The following SFXN5 variants were observed in gnomAD, a reference collection of about 807,000 sequenced individuals.
The protein encoded by SFXN5 is sideroflexin 5, also known as sideroflexin-5.
Under a neutral mutation model 50.2 loss-of-function variants are expected in SFXN5, and 43 were observed. The ratio of observed to expected loss-of-function variants is 0.86; its 90% CI spans 0.67 to 1.11. The LOEUF is 1.11. Among genes scored for constraint, SFXN5 ranks in the 50% least tolerant of loss-of-function variants. The pLI, the probability that SFXN5 is intolerant of heterozygous loss-of-function variation, is 0.00. For missense variants in SFXN5, 463 were observed against 454.1 expected (o/e 1.02, Z -0.18); for synonymous variants, 203 against 185.8 (o/e 1.09, Z -0.75).
Position 72,951,110 on chromosome 2 carries a change from G to T in SFXN5, c.946-6011C>A, listed in dbSNP as rs546920348. On this transcript the variant is annotated intron_variant, in intron 13 of 13. Coordinates refer to ENST00000272433, the MANE Select transcript of SFXN5 (RefSeq NM_144579.3). The stretch of plus-strand genomic sequence containing the variant: ...GGGGCTGCAGGGACCAGGGAGCACT[G>T]CCTGATGGTCGCCCCCGCCACAGAA... 5.3e-5 allele frequency among the ~76,000 whole-genome samples: 8 copies of T among 152,246 alleles called. No individual in the cohort carries two copies. In the East Asian group the frequency reaches 1.4e-3, roughly 26 times the overall value.
chr2:72,974,398 T>C (rs1670379577), intron 10 of SFXN5, among the ~76,000 whole-genome samples: 2 of 151,860 alleles, frequency 1.3e-5, no homozygotes, highest in South Asian at 4.2e-4. Flanking sequence ...AGATGAAAGA[T>C]GAAGCATGAA....
rs1190004946 is a variant in SFXN5, at chr2:72,978,285, C to CT, written c.626-6601dup. On this transcript the variant is annotated intron_variant, in intron 10 of 13. Transcript: ENST00000272433. The stretch of plus-strand genomic sequence containing the variant: ...GATGAACGCATTTTTCTTTTTCTTT[C>CT]TTTTTTTTTTTTTTTGAGATGGAGT... 5.3e-3 allele frequency among the ~76,000 whole-genome samples: 741 copies of CT among 139,872 alleles called. 4 individuals are homozygous for CT. The highest frequency in any genetic ancestry group is 0.01 in the African/African-American group (390 of 38,424). The allele number at this position is 139,872 out of a possible 152,430, so 91.8% of individuals were successfully genotyped here. A position where few individuals can be genotyped will look rare whatever the true frequency, so the allele number is the denominator to read the frequency against.
At chr2:72,995,830 TAC>T (rs1673154217) in intron 9 of SFXN5, among the ~76,000 whole-genome samples, 1 of 152,074 alleles carries the variant, frequency 6.6e-6, no homozygotes, top group African/African-American at 2.4e-5. Context: ...TTTTGTGACT[TAC>T]ACACACAAAA....
intron 12 of SFXN5, among the ~76,000 whole-genome samples, chr2:72,967,005 C>T (rs1172547697): frequency 6.6e-6 from 1 of 152,198 alleles, no homozygotes; most frequent in African/African-American, 2.4e-5. Context: ...CCTGAATATG[C>T]AAGAGGCAGC....
chr2:73,071,702 C>T lies in SFXN5; in HGVS notation c.4G>A (p.Ala2Thr). 1.9e-6 allele frequency: 3 copies of T among 1,612,526 alleles called. No individual in the cohort carries two copies. Among genetic ancestry groups the T allele is most frequent in the Non-Finnish European group, 8.5e-7 (1 of 1,179,708 alleles). The change falls in exon 1 of 14, where the codon GCG becomes ACG. Residue 2 changes from alanine to threonine, a missense_variant. Transcript: ENST00000272433. MADTATTASAAA... is the reference protein window; with the variant it reads MTDTATTASAAA... ...GCCGATGCTGTAGTCGCTGTATCCG[C>T]CATGGCCACTGACGCCCGCAATCTC... is the stretch of plus-strand genomic sequence containing the variant.
At chr2:72,954,814 G>A (rs1299036179) in intron 13 of SFXN5, among the ~76,000 whole-genome samples, 1 of 152,224 alleles carries the variant, frequency 6.6e-6, no homozygotes, top group African/African-American at 2.4e-5. Context: ...CTGAGGGGCA[G>A]CATGTAACTC....
At chr2:73,060,855 A>C (rs1312060528) in intron 1 of SFXN5, among the ~76,000 whole-genome samples, 1 of 151,852 alleles carries the variant, frequency 6.6e-6, no homozygotes, top group Non-Finnish European at 1.5e-5. Flanking sequence ...CAGTGACACC[A>C]CGCCCGGCTT....
At chr2:73,038,351 T>A (rs1251254357) in intron 3 of SFXN5, among the ~76,000 whole-genome samples, 1 of 152,224 alleles carries the variant, frequency 6.6e-6, no homozygotes, top group Non-Finnish European at 1.5e-5. Flanking sequence ...TTACCATGAA[T>A]GGAGCTTGCA....
intron 2 of SFXN5, among the ~76,000 whole-genome samples, chr2:73,047,263 T>C (rs1319315875): frequency 9.1e-5 from 7 of 77,250 alleles, no homozygotes; most frequent in African/African-American, 3.7e-4. Context: ...TATATATATA[T>C]ATATATATAT....
chr2:73,001,688 T>C (rs1432632303), intron 6 of SFXN5, 110 bp from the exon 7 acceptor site: 16 of 1,076,706 alleles, frequency 1.5e-5, no homozygotes, highest in Non-Finnish European at 2.1e-5. Flanking sequence ...TACAAACTGA[T>C]GTGGTATGCC....
intron 2 of SFXN5, among the ~76,000 whole-genome samples, chr2:73,045,339 C>G (rs1468422127): frequency 6.6e-6 from 1 of 152,158 alleles, no homozygotes; most frequent in Non-Finnish European, 1.5e-5. Context: ...CCAAAGCCCC[C>G]CCAGAACTGA....
At chr2:72,978,628 G>C (rs1379608644) in intron 10 of SFXN5, among the ~76,000 whole-genome samples, 2 of 152,156 alleles carry the variant, frequency 1.3e-5, no homozygotes, top group East Asian at 3.8e-4. Flanking sequence ...AAATATTGAA[G>C]AGGATGTAGG....
chr2:73,030,273 A>G (rs903322836), intron 3 of SFXN5, among the ~76,000 whole-genome samples: 12 of 152,140 alleles, frequency 7.9e-5, no homozygotes, highest in Non-Finnish European at 1.2e-4. Flanking sequence ...GGCTTGTCAT[A>G]TATTTTGGAG....
Position 72,988,297 on chromosome 2 carries a change from G to A in SFXN5, c.586C>T (p.Arg196Cys), listed in dbSNP as rs762447413. ...QKANKFTPAT[R>C]LLIQRFVPFP... is the part of the protein sequence containing the mutation. ...GGCACAAACCTCTGGATGAGAAGGC[G>A]GGTGGCTGGGGTGAACTTGTTGGCT... is the stretch of plus-strand genomic sequence containing the variant. The change falls in exon 10 of 14, where the codon CGC becomes TGC. Residue 196 changes from arginine to cysteine, a missense_variant. Coordinates refer to ENST00000272433, the MANE Select transcript of SFXN5 (RefSeq NM_144579.3). The A allele has an allele frequency of 1.7e-5, 28 of 1,613,786 alleles. No homozygotes were observed. Among genetic ancestry groups the A allele is most frequent in the Admixed American group, 8.3e-5 (5 of 59,992 alleles).
intron 6 of SFXN5, among the ~76,000 whole-genome samples, chr2:73,003,012 G>C (rs997737357): frequency 6.6e-6 from 1 of 152,246 alleles, no homozygotes; most frequent in Non-Finnish European, 1.5e-5. Context: ...CAAGTCAACA[G>C]AGACGGTCTT....
At chr2:73,013,025 T>C (rs551752950) in intron 6 of SFXN5, among the ~76,000 whole-genome samples, 7 of 150,450 alleles carry the variant, frequency 4.7e-5, no homozygotes, top group South Asian at 2.1e-4. Flanking sequence ...TATCCTCTAG[T>C]ATAAATCAGG....
At chr2:72,991,730 G>A (rs1336282126) in intron 9 of SFXN5, among the ~76,000 whole-genome samples, 1 of 152,216 alleles carries the variant, frequency 6.6e-6, no homozygotes, top group Admixed American at 6.5e-5. Flanking sequence ...AAGCCAAGAG[G>A]CTGGTGGCTC....
chr2:72,996,502 G>C (rs938968123), intron 9 of SFXN5: 1 of 113,552 alleles, frequency 8.8e-6, no homozygotes. Flanking sequence ...AAAAAGCTGA[G>C]TTTTGTTTTT....
intron 9 of SFXN5, among the ~76,000 whole-genome samples, chr2:72,991,370 G>A (rs576330651): frequency 1.3e-5 from 2 of 152,390 alleles, no homozygotes; most frequent in South Asian, 4.1e-4. Flanking sequence ...GTTTCTGAGA[G>A]CATGGCCAAC....
Sources: allele counts gnomAD v4.1 joint callset (sites outside exome capture counted in the v4.1 genomes callset), GRCh38; gene constraint gnomAD v4.1.1; transcripts MANE v1.5; gene names NCBI Gene and HGNC (gene_info 2026-07-23, HGNC 2026-07-21).